SEMA4B: variants seen among roughly 807,000 people sequenced by gnomAD.
The protein encoded by SEMA4B is semaphorin-4B.
Under a neutral mutation model 88.1 loss-of-function variants are expected in SEMA4B, and 55 were observed. The ratio of observed to expected loss-of-function variants is 0.62; its 90% CI spans 0.50 to 0.78. The LOEUF is 0.78. Among genes scored for constraint, SEMA4B ranks in the 30% least tolerant of loss-of-function variants. SEMA4B has a pLI of 0.00. For synonymous variants in SEMA4B, 525 were observed against 473.6 expected (o/e 1.11, Z -1.41); for missense variants, 1,062 against 1,111.9 (o/e 0.96, Z 0.64).
intron 1 of SEMA4B, among the ~76,000 whole-genome samples, chr15:90,216,045 A>G (rs1002678217): frequency 2.0e-5 from 3 of 150,126 alleles, no homozygotes; most frequent in Non-Finnish European, 3.0e-5. Flanking sequence ...CTGGAGTGCA[A>G]TGGTGTGATC....
At chr15:90,220,754 G>C (rs1399876394) in intron 4 of SEMA4B, among the ~76,000 whole-genome samples, 1 of 152,192 alleles carries the variant, frequency 6.6e-6, no homozygotes, top group East Asian at 1.9e-4. Context: ...GAGGCAGTGT[G>C]GCACTGTGTC....
chr15:90,220,520 A>T (rs1208844565), intron 4 of SEMA4B, among the ~76,000 whole-genome samples: 1 of 151,104 alleles, frequency 6.6e-6, no homozygotes, highest in Non-Finnish European at 1.5e-5. Flanking sequence ...GGTGCCCGCC[A>T]CCACGCCTGG....
At chr15:90,209,354 C>G (rs1030818700) in intron 1 of SEMA4B, among the ~76,000 whole-genome samples, 1 of 151,536 alleles carries the variant, frequency 6.6e-6, no homozygotes, top group Non-Finnish European at 1.5e-5. Context: ...AGTTCAAGAC[C>G]AGCCTGGCCA....
chr15:90,206,762 G>C (rs1567048958), intron 1 of SEMA4B: 2 of 765,036 alleles, frequency 2.6e-6, no homozygotes, highest in South Asian at 1.4e-5. Context: ...TGTCAAGTTG[G>C]TGGAAGCCCT....
chr15:90,194,549 A>G (rs1199311524), intron 1 of SEMA4B, among the ~76,000 whole-genome samples: 1 of 152,034 alleles, frequency 6.6e-6, no homozygotes, highest in African/African-American at 2.4e-5. Flanking sequence ...AAAACAAAAA[A>G]CATATTGATC....
At chr15:90,191,405 C>T (rs1960339330) in intron 1 of SEMA4B, among the ~76,000 whole-genome samples, 1 of 152,228 alleles carries the variant, frequency 6.6e-6, no homozygotes, top group African/African-American at 2.4e-5. Context: ...CGCCATGGGG[C>T]AACTTTCATG....
chr15:90,225,203 T>G (rs764697028), intron 10 of SEMA4B, 25 bp downstream of exon 10: 2 of 1,570,682 alleles, frequency 1.3e-6, no homozygotes, highest in Non-Finnish European at 1.7e-6. Flanking sequence ...CCCAGCAGGC[T>G]CAGGGGAAGG....
Position 90,196,142 on chromosome 15 carries a change from A to G in SEMA4B, c.-121-5316A>G, listed in dbSNP as rs1026610462. Reference sequence around the variant, plus strand: ...ACGGGGTTTCACCGTGTTAGCCAGGATGGTCTCGATCTCCTGACCTCGTGA... The same window carrying G: ...ACGGGGTTTCACCGTGTTAGCCAGGGTGGTCTCGATCTCCTGACCTCGTGA... On this transcript the variant is annotated intron_variant, in intron 1 of 14. Coordinates refer to the SEMA4B transcript ENST00000332496. Among the ~76,000 whole-genome samples, 3 of 139,730 alleles carry G rather than the reference A, an allele frequency of 2.1e-5. No homozygotes were observed. In the East Asian group the frequency reaches 6.5e-4, roughly 30 times the overall value. 91.7% of individuals were successfully genotyped at this position (139,730 alleles called of 152,430 possible). A position where few individuals can be genotyped will look rare whatever the true frequency, so the allele number is the denominator to read the frequency against.
chr15:90,218,603 A>G (rs1785726384), intron 3 of SEMA4B, among the ~76,000 whole-genome samples: 1 of 152,182 alleles, frequency 6.6e-6, no homozygotes. Flanking sequence ...TGAGTGTCTC[A>G]GGAGTTCGAG....
chr15:90,216,745 G>A (rs964790959), intron 1 of SEMA4B, among the ~76,000 whole-genome samples: 2 of 152,160 alleles, frequency 1.3e-5, no homozygotes, highest in South Asian at 2.1e-4. Flanking sequence ...TTGGGAGGCC[G>A]AGGCAGGAGA....
intron 1 of SEMA4B, among the ~76,000 whole-genome samples, chr15:90,186,502 G>A (rs985015403): frequency 1.3e-5 from 2 of 151,900 alleles, no homozygotes; most frequent in African/African-American, 4.8e-5. Flanking sequence ...GCCTGTAATC[G>A]CAGCGACTTG....
At chr15:90,209,903 A>C (rs1961179116) in intron 1 of SEMA4B, among the ~76,000 whole-genome samples, 1 of 152,188 alleles carries the variant, frequency 6.6e-6, no homozygotes, top group Non-Finnish European at 1.5e-5. Flanking sequence ...GGTGGCAAGC[A>C]CTAGCAAGTT....
At position 90,201,663 on chromosome 15, in the gene SEMA4B, C is replaced by A. The variant is rs1393828378; in HGVS notation, c.85C>A (p.Leu29Met). ...GCCTCGGCCACCGCTGCTGCTGCTC[C>A]TGCTGCTGCTGCTCCTGCTGCAGCC... ...LPPRPPLLLLLLLLLLLQPPP... is the reference protein window; with the variant it reads ...LPPRPPLLLLMLLLLLLQPPP... The change falls in exon 1 of 14, where the codon CTG (leucine) becomes ATG (methionine). Residue 29 changes from leucine (L) to methionine (M), a missense_variant. Coordinates refer to ENST00000411539, the MANE Select transcript of SEMA4B (RefSeq NM_198925.4). 2.0e-6 allele frequency: 3 copies of A among 1,506,788 alleles called. No individual in the cohort carries two copies. In the East Asian group the frequency reaches 8.0e-5, roughly 40 times the overall value. 93.3% of individuals were successfully genotyped at this position (1,506,788 alleles called of 1,614,324 possible). A position where few individuals can be genotyped will look rare whatever the true frequency, so the allele number is the denominator to read the frequency against.
intron 1 of SEMA4B, among the ~76,000 whole-genome samples, chr15:90,188,148 G>A (rs1178534374): frequency 6.6e-6 from 1 of 151,906 alleles, no homozygotes; most frequent in Non-Finnish European, 1.5e-5. Flanking sequence ...GTGAAACTCA[G>A]TCTCTACAAA....
chr15:90,227,528 C>T, intron 12 of SEMA4B, 29 bp from the exon 13 acceptor site: 1 of 1,608,960 alleles, frequency 6.2e-7, no homozygotes, highest in South Asian at 1.1e-5. Flanking sequence ...GACTTCCTGG[C>T]CAATCCCAGA....
chr15:90,217,450 C>T lies in SEMA4B; in HGVS notation c.169C>T (p.Arg57Trp), dbSNP rs770154300. 109 of 1,612,840 alleles carry T rather than the reference C, an allele frequency of 6.8e-5. No homozygotes were observed. The highest frequency in any genetic ancestry group is 5.0e-5 in the Admixed American group (3 of 59,878). Residue 57 changes from arginine to tryptophan, a missense_variant, in exon 2 of 14, where the codon CGG (arginine) becomes TGG (tryptophan). Arg to Trp is a moderately radical substitution (Grantham distance 101). Coordinates refer to ENST00000411539, the MANE Select transcript of SEMA4B (RefSeq NM_198925.4). The stretch of plus-strand genomic sequence containing the variant: ...CTTCCTCTCCCCAGGCTCTGAAGAG[C>T]GGCCATTCCTCAGATTCGAAGCTGA... ...RISLPLGSEE[R>W]PFLRFEAEHI...
At chr15:90,204,607 T>C (rs1349684141) in intron 1 of SEMA4B, among the ~76,000 whole-genome samples, 1 of 152,144 alleles carries the variant, frequency 6.6e-6, no homozygotes, top group Non-Finnish European at 1.5e-5. Flanking sequence ...GGAACTACCA[T>C]GCAGAGCTCC....
rs1961922186 is a variant in SEMA4B, at chr15:90,222,687, C to A, written c.862-872C>A. On this transcript the variant is annotated intron_variant, in intron 7 of 13. Coordinates refer to ENST00000411539, the MANE Select transcript of SEMA4B (RefSeq NM_198925.4). ...GAGGCCAACTGCCCAAGTTCAAACC[C>A]TGCTGGCCTAGGATCTTGGGCAAGT... Among the ~76,000 whole-genome samples the A allele has an allele frequency of 1.3e-5, 2 of 152,148 alleles. 1 individual carries two copies. Among genetic ancestry groups the A allele is most frequent in the African/African-American group, 4.8e-5 (2 of 41,416 alleles).
Position 90,225,128 on chromosome 15 carries a change from A to T in SEMA4B, c.1355A>T (p.His452Leu). 6.2e-7 allele frequency: 1 copy of T among 1,613,294 alleles called. No individual in the cohort carries two copies. Among genetic ancestry groups the T allele is most frequent in the South Asian group, 1.1e-5 (1 of 91,056 alleles). Reference sequence around the variant, plus strand: ...GCTCGCTACCAGCGCGTGGCTGTACACCGCGTCCCTGGCCTGCACCACACC... The same window carrying T: ...GCTCGCTACCAGCGCGTGGCTGTACTCCGCGTCCCTGGCCTGCACCACACC... ...PQARYQRVAV[H>L]RVPGLHHTYD... The change falls in exon 10 of 14, where the codon CAC (histidine) becomes CTC (leucine). Residue 452 changes from histidine to leucine, a missense_variant. Coordinates refer to ENST00000411539, the MANE Select transcript of SEMA4B (RefSeq NM_198925.4).
Sources: gnomAD v4.1 joint callset for allele counts (sites outside exome capture counted in the v4.1 genomes callset) on GRCh38, gnomAD v4.1.1 for gene constraint, MANE v1.5 for transcripts, NCBI Gene and HGNC (gene_info 2026-07-23, HGNC 2026-07-21) for gene names.